The following PDE1A variants were observed in gnomAD, a reference collection of about 807,000 sequenced individuals.
PDE1A encodes phosphodiesterase 1A, also known as dual specificity calcium/calmodulin-dependent 3',5'-cyclic nucleotide phosphodiesterase 1A.
Under a neutral mutation model 61.7 loss-of-function variants are expected in PDE1A, and 35 were observed. That is an observed-to-expected ratio of 0.57 (90% confidence interval 0.43 to 0.75). The LOEUF (loss-of-function observed/expected upper bound fraction) is 0.75, where lower values mean the gene tolerates loss of function less well. Among genes scored for constraint, PDE1A ranks in the 30% least tolerant of loss-of-function variants. The pLI, the probability that PDE1A is intolerant of heterozygous loss-of-function variation, is 0.00. For missense variants in PDE1A, 597 were observed against 630.6 expected (o/e 0.95, Z 0.57); for synonymous variants, 232 against 213.2 (o/e 1.09, Z -0.77).
At chr2:182,426,309 C>T (rs539800682) in intron 1 of PDE1A, among the ~76,000 whole-genome samples, 1 of 152,328 alleles carries the variant, frequency 6.6e-6, no homozygotes, top group African/African-American at 2.4e-5. Flanking sequence ...GATTGCATAA[C>T]GTTTCCAAAG....
At chr2:182,426,480 C>T in intron 1 of PDE1A, 98 bp downstream of exon 1, 2 of 860,354 alleles carry the variant, frequency 2.3e-6, no homozygotes, top group East Asian at 2.4e-5. Flanking sequence ...CTTGATTGCT[C>T]TGCTGTAGCT....
At chr2:182,425,131 CACAGCTCTCCAAAGGGGTAAT>C (rs1703529955) in intron 1 of PDE1A, among the ~76,000 whole-genome samples, 2 of 152,110 alleles carry the variant, frequency 1.3e-5, no homozygotes, top group African/African-American at 4.8e-5. Flanking sequence ...CTTCAATCCC[CACAGCTCTCCAAAGGGGTAAT>C]ACAATAAAGA....
At chr2:182,294,688 T>C (rs1271885101) in intron 1 of PDE1A, among the ~76,000 whole-genome samples, 2 of 152,140 alleles carry the variant, frequency 1.3e-5, no homozygotes, top group African/African-American at 4.8e-5. Flanking sequence ...GTTTATAGAG[T>C]ATCAAGTACT....
chr2:182,211,947 A>T (rs1687638005), intron 7 of PDE1A, among the ~76,000 whole-genome samples: 1 of 152,132 alleles, frequency 6.6e-6, no homozygotes, highest in African/African-American at 2.4e-5. Context: ...CTGCAAACAA[A>T]GATAATTTTA....
At chr2:182,304,131 C>A (rs1422545460) in intron 1 of PDE1A, among the ~76,000 whole-genome samples, 1 of 152,140 alleles carries the variant, frequency 6.6e-6, no homozygotes, top group Non-Finnish European at 1.5e-5. Flanking sequence ...GATCCTCCTG[C>A]CTCGGACTCC....
chr2:182,395,313 G>C (rs1701641294), intron 1 of PDE1A, among the ~76,000 whole-genome samples: 1 of 152,174 alleles, frequency 6.6e-6, no homozygotes, highest in Non-Finnish European at 1.5e-5. Flanking sequence ...CTTTTCACAA[G>C]ATATCGCATT....
intron 2 of PDE1A, among the ~76,000 whole-genome samples, chr2:182,484,757 GA>G (rs914177878): frequency 4.7e-4 from 70 of 149,178 alleles, no homozygotes; most frequent in African/African-American, 1.6e-3. Flanking sequence ...ACAAGCATGT[GA>G]AAAAAAAAGC....
chr2:182,634,080 ACT>A, the PDE1A span, among the ~76,000 whole-genome samples: 16 of 151,658 alleles, frequency 1.1e-4, no homozygotes, highest in African/African-American at 3.4e-4. Context: ...ACAGAGCAAG[ACT>A]CTGTCTCAAA....
intron 1 of PDE1A, among the ~76,000 whole-genome samples, chr2:182,275,441 A>C (rs1032773502): frequency 2.0e-5 from 3 of 152,144 alleles, no homozygotes; most frequent in Admixed American, 2.0e-4. Flanking sequence ...TAAAGCAAGG[A>C]ATAGATCACA....
At chr2:182,375,597 C>A (rs181618042) in intron 1 of PDE1A, among the ~76,000 whole-genome samples, 1 of 152,274 alleles carries the variant, frequency 6.6e-6, no homozygotes, top group Admixed American at 6.5e-5. Context: ...GTGTCTGTGG[C>A]TTTTCCAGGC....
intron 7 of PDE1A, among the ~76,000 whole-genome samples, chr2:182,214,606 G>C (rs1245810693): frequency 6.6e-6 from 1 of 150,644 alleles, no homozygotes; most frequent in Admixed American, 6.6e-5. Context: ...AAAGGCAGGG[G>C]TTGCAATCCT....
the PDE1A span, among the ~76,000 whole-genome samples, chr2:182,678,333 G>C: frequency 6.6e-6 from 1 of 152,192 alleles, no homozygotes; most frequent in African/African-American, 2.4e-5. Flanking sequence ...TGAGGCAGCA[G>C]AATCGTTTGA....
At chr2:182,663,950 T>C in the PDE1A span, among the ~76,000 whole-genome samples, 1 of 152,138 alleles carries the variant, frequency 6.6e-6, no homozygotes, top group Non-Finnish European at 1.5e-5. Context: ...AGATCAGACA[T>C]AGACTAAGAA....
chr2:182,196,666 A>G (rs965167131), intron 10 of PDE1A, among the ~76,000 whole-genome samples: 2 of 151,788 alleles, frequency 1.3e-5, no homozygotes, highest in Admixed American at 6.6e-5. Flanking sequence ...GATTTCTATC[A>G]CCATATATTA....
chr2:182,607,528 C>T, the PDE1A span, among the ~76,000 whole-genome samples: 1 of 152,090 alleles, frequency 6.6e-6, no homozygotes, highest in African/African-American at 2.4e-5. Flanking sequence ...ACTGCAGAAC[C>T]CACATACATG....
chr2:182,587,893 C>CT, the PDE1A span, among the ~76,000 whole-genome samples: 1 of 152,116 alleles, frequency 6.6e-6, no homozygotes, highest in African/African-American at 2.4e-5. Flanking sequence ...CTAAAGAAGA[C>CT]ATTTAGCATG....
At chr2:182,415,517 T>C (rs1559439629) in intron 1 of PDE1A, among the ~76,000 whole-genome samples, 1 of 151,988 alleles carries the variant, frequency 6.6e-6, no homozygotes, top group Non-Finnish European at 1.5e-5. Context: ...GTCATATCCT[T>C]CAAGATCTAC....
At chr2:182,289,355 A>G (rs190015300) in intron 1 of PDE1A, among the ~76,000 whole-genome samples, 56 of 151,100 alleles carry the variant, frequency 3.7e-4, no homozygotes, top group African/African-American at 1.3e-3. Context: ...AAGAAGAAAG[A>G]CATTATGGGC....
intron 10 of PDE1A, among the ~76,000 whole-genome samples, chr2:182,191,999 G>A (rs1322255668): frequency 1.3e-5 from 2 of 151,948 alleles, no homozygotes; most frequent in African/African-American, 4.8e-5. Context: ...GGGATTTCAG[G>A]CGCCTGCCAC....
Sources: gnomAD v4.1 joint callset for allele counts (sites outside exome capture counted in the v4.1 genomes callset) on GRCh38, gnomAD v4.1.1 for gene constraint, MANE v1.5 for transcripts, NCBI Gene and HGNC (gene_info 2026-07-23, HGNC 2026-07-21) for gene names.